PLPPR5: variants seen among roughly 807,000 people sequenced by gnomAD.
PLPPR5 encodes the protein phospholipid phosphatase related 5, also known as phospholipid phosphatase-related protein type 5.
PLPPR5 carries 16 observed loss-of-function variants against 33.9 expected under a neutral mutation model. The ratio of observed to expected loss-of-function variants is 0.47; its 90% CI spans 0.32 to 0.72. The LOEUF (loss-of-function observed/expected upper bound fraction) is 0.72, where lower values mean the gene tolerates loss of function less well. PLPPR5 is among the 30% of genes least tolerant of loss of function. The pLI, the probability that PLPPR5 is intolerant of heterozygous loss-of-function variation, is 0.03. For missense variants in PLPPR5, 301 were observed against 406.7 expected, an observed-to-expected ratio of 0.74 and a Z score of 2.23; for synonymous variants, 163 against 150.3, an observed-to-expected ratio of 1.08 and a Z score of -0.62.
At chr1:98,932,718 T>TA (rs1190446462) in intron 3 of PLPPR5, among the ~76,000 whole-genome samples, 2 of 152,206 alleles carry the variant, frequency 1.3e-5, no homozygotes, top group Non-Finnish European at 2.9e-5. Flanking sequence ...ACTTCCCCTC[T>TA]AGCCTGCAGT....
intron 4 of PLPPR5, among the ~76,000 whole-genome samples, chr1:98,915,310 C>T (rs1027060926): frequency 1.1e-4 from 16 of 152,044 alleles, no homozygotes; most frequent in Admixed American, 6.6e-4. Flanking sequence ...AATTTAAATG[C>T]TAATTGTTTT....
intron 1 of PLPPR5, among the ~76,000 whole-genome samples, chr1:99,004,125 T>G (rs909156157): frequency 1.3e-5 from 2 of 151,980 alleles, no homozygotes; most frequent in Non-Finnish European, 2.9e-5. Context: ...CCCCCAAAGC[T>G]CACCTCCTTT....
At chr1:98,918,711 A>G (rs1172254031) in intron 4 of PLPPR5, among the ~76,000 whole-genome samples, 1 of 152,190 alleles carries the variant, frequency 6.6e-6, no homozygotes, top group African/African-American at 2.4e-5. Flanking sequence ...AAATGTGTAA[A>G]GGGTTTGAAT....
intron 3 of PLPPR5, among the ~76,000 whole-genome samples, chr1:98,949,594 C>A (rs2101206209): frequency 6.6e-6 from 1 of 152,246 alleles, no homozygotes; most frequent in East Asian, 1.9e-4. Context: ...TTTCTATTTA[C>A]TACCCATCAA....
rs1648316354 is a variant in PLPPR5 at position 98,892,645 on chromosome 1, T to C, written c.*427A>G. 2 of 153,498 alleles carry C rather than the reference T, an allele frequency of 1.3e-5. No individual in the cohort carries two copies. The highest frequency in any genetic ancestry group is 4.8e-5 in the African/African-American group (2 of 41,420). 9.5% of individuals were successfully genotyped at this position (153,498 alleles called of 1,614,324 possible). A position where few individuals can be genotyped will look rare whatever the true frequency, so the allele number is the denominator to read the frequency against. ...CTTTCAAAGTCCACTTCAAATTAAA[T>C]ATGGCATACTGCTGAATAGATATAT... On this transcript the variant is annotated 3_prime_UTR_variant, in exon 6 of 6. Coordinates refer to ENST00000263177, the MANE Select transcript of PLPPR5 (RefSeq NM_001037317.2).
intron 1 of PLPPR5, among the ~76,000 whole-genome samples, chr1:98,974,576 C>G (rs1651779334): frequency 6.6e-6 from 1 of 152,062 alleles, no homozygotes; most frequent in Admixed American, 6.6e-5. Context: ...CATCCCCACT[C>G]TCTTCACGAA....
intron 4 of PLPPR5, among the ~76,000 whole-genome samples, chr1:98,917,926 T>G (rs1292849307): frequency 2.0e-5 from 3 of 152,202 alleles, no homozygotes; most frequent in African/African-American, 7.2e-5. Flanking sequence ...AGGACAGAAA[T>G]TCTCAAATTT....
At chr1:98,942,444 C>T (rs1409564278) in intron 3 of PLPPR5, among the ~76,000 whole-genome samples, 1 of 152,196 alleles carries the variant, frequency 6.6e-6, no homozygotes, top group African/African-American at 2.4e-5. Context: ...CTATTAATCT[C>T]TGGCTGTGCA....
chr1:98,897,932 A>C (rs1157797411), intron 5 of PLPPR5, among the ~76,000 whole-genome samples: 1 of 152,136 alleles, frequency 6.6e-6, no homozygotes, highest in Non-Finnish European at 1.5e-5. Context: ...TATAAAAGCC[A>C]CAGAAACAGC....
rs115705918 is a variant in PLPPR5, at chr1:98,981,745, C to T, written c.237+22690G>A. ...ATGCTTAAGTCATTGTGCTTTAACA[C>T]GATTGCTAATAGGCCATTTCATTTT... On this transcript the variant is annotated intron_variant, in intron 1 of 5. Transcript: ENST00000263177. Among the ~76,000 whole-genome samples, 718 of 152,120 alleles carry T rather than the reference C, an allele frequency of 4.7e-3. 8 individuals carry two copies. Among genetic ancestry groups the T allele is most frequent in the African/African-American group, 0.016 (671 of 41,538 alleles).
chr1:98,909,247 T>TCCCCTCCCTC (rs1452577876), intron 5 of PLPPR5, among the ~76,000 whole-genome samples: 4 of 112,060 alleles, frequency 3.6e-5, no homozygotes, highest in Non-Finnish European at 7.4e-5. Flanking sequence ...TTCCCTCCCT[T>TCCCCTCCCTC]CCCCTCCCTT....
At chr1:98,986,666 A>C (rs373983388) in intron 1 of PLPPR5, among the ~76,000 whole-genome samples, 71 of 152,008 alleles carry the variant, frequency 4.7e-4, no homozygotes, top group Non-Finnish European at 7.7e-4. Context: ...TTTGTGGAAG[A>C]CGAATCTTGT....
intron 1 of PLPPR5, among the ~76,000 whole-genome samples, chr1:98,977,960 A>G (rs10875198): frequency 0.36 from 54,916 of 151,846 alleles, 11,300 homozygotes; most frequent in Non-Finnish European, 0.47. Flanking sequence ...ATGTCCATGC[A>G]TAATCAAATC....
At chr1:98,976,995 A>G (rs1557690624) in intron 1 of PLPPR5, among the ~76,000 whole-genome samples, 1 of 152,014 alleles carries the variant, frequency 6.6e-6, no homozygotes, top group Non-Finnish European at 1.5e-5. Context: ...AGTGGAGGAG[A>G]CAGCTGCATA....
chr1:98,910,888 G>GTT (rs66793213), intron 5 of PLPPR5, among the ~76,000 whole-genome samples: 24 of 142,328 alleles, frequency 1.7e-4, no homozygotes, highest in Admixed American at 4.9e-4. Flanking sequence ...GCCAGAGAGT[G>GTT]TTTTTTTTTT....
At chr1:98,899,655 C>CTTTTTTTTT (rs1214385487) in intron 5 of PLPPR5, among the ~76,000 whole-genome samples, 1 of 138,568 alleles carries the variant, frequency 7.2e-6, no homozygotes, top group African/African-American at 2.7e-5. Flanking sequence ...GTTTATTTCA[C>CTTTTTTTTT]TTGTTTTTTT....
rs186242830 is a variant in PLPPR5, at chr1:99,004,001, C to G, written c.237+434G>C. Among the ~76,000 whole-genome samples, 50 of 152,316 alleles carry G rather than the reference C, an allele frequency of 3.3e-4. No homozygotes were observed. In the East Asian group the frequency reaches 9.3e-3, roughly 28 times the overall value. On this transcript the variant is annotated intron_variant, in intron 1 of 5. Transcript: ENST00000263177. ...AGTGGGAGTCCCTTTCACACCCCAG[C>G]AATTGATCCCCTCTCTCCTCGCCGG...
intron 3 of PLPPR5, among the ~76,000 whole-genome samples, chr1:98,950,134 C>T (rs1650724265): frequency 6.6e-6 from 1 of 152,116 alleles, no homozygotes; most frequent in Non-Finnish European, 1.5e-5. Flanking sequence ...AACATCGCCA[C>T]CAGAAAAATT....
At chr1:98,975,841 A>G (rs1419814733) in intron 1 of PLPPR5, among the ~76,000 whole-genome samples, 1 of 152,000 alleles carries the variant, frequency 6.6e-6, no homozygotes, top group Non-Finnish European at 1.5e-5. Flanking sequence ...GGTGAACAAC[A>G]TATGTTAATA....
Sources: gnomAD v4.1 joint callset for allele counts (sites outside exome capture counted in the v4.1 genomes callset) on GRCh38, gnomAD v4.1.1 for gene constraint, MANE v1.5 for transcripts, NCBI Gene and HGNC (gene_info 2026-07-23, HGNC 2026-07-21) for gene names.